The following F2R variants were observed in gnomAD, a reference collection of about 807,000 sequenced individuals.
The protein encoded by F2R is proteinase-activated receptor 1.
A neutral mutation model predicts 18.3 loss-of-function variants in F2R; 12 were observed. That is an observed-to-expected ratio of 0.66 (90% CI 0.42 to 1.06). The LOEUF (loss-of-function observed/expected upper bound fraction) is 1.06. Among genes scored for constraint, F2R ranks in the 50% least tolerant of loss-of-function variants. The probability of loss-of-function intolerance (pLI) is 0.00; values close to 1 mark genes in which losing one functional copy is unlikely to be tolerated. For missense variants in F2R, 438 were observed against 530.8 expected, an observed-to-expected ratio of 0.83 and a Z score of 1.72; for synonymous variants, 210 against 219.9, an observed-to-expected ratio of 0.95 and a Z score of 0.40.
At chr5:76,729,466 C>A (rs1748630325) in intron 1 of F2R, among the ~76,000 whole-genome samples, 1 of 152,162 alleles carries the variant, frequency 6.6e-6, no homozygotes, top group Non-Finnish European at 1.5e-5. Context: ...TTTCTCTTCA[C>A]TGTTGATTGT....
intron 1 of F2R, among the ~76,000 whole-genome samples, chr5:76,729,649 A>G (rs1229053951): frequency 3.9e-5 from 6 of 152,160 alleles, no homozygotes; most frequent in East Asian, 3.9e-4. Flanking sequence ...TTATGTGTAA[A>G]CCATTAATCC....
At chr5:76,716,724 CA>C in intron 1 of F2R, 1 of 682,496 alleles carries the variant, frequency 1.5e-6, no homozygotes, top group Non-Finnish European at 2.6e-6. Flanking sequence ...CTCCCAGGAC[CA>C]CCCCCAAAAA....
chr5:76,731,145 C>T (rs1748660559), intron 1 of F2R, among the ~76,000 whole-genome samples: 1 of 152,288 alleles, frequency 6.6e-6, no homozygotes, highest in African/African-American at 2.4e-5. Flanking sequence ...TACCTTGTGA[C>T]TATGTTAGGA....
intron 1 of F2R, among the ~76,000 whole-genome samples, chr5:76,720,516 G>A (rs1372937422): frequency 6.6e-6 from 1 of 151,740 alleles, no homozygotes; most frequent in East Asian, 1.9e-4. Context: ...AATTGAGGTA[G>A]AATTCACATA....
At chr5:76,719,313 G>A (rs566596475) in intron 1 of F2R, among the ~76,000 whole-genome samples, 2 of 152,372 alleles carry the variant, frequency 1.3e-5, no homozygotes, top group Admixed American at 6.5e-5. Flanking sequence ...ATTGGGACTG[G>A]GTGCGGTGGC....
chr5:76,718,813 T>TA (rs1276944487), intron 1 of F2R, among the ~76,000 whole-genome samples: 1 of 152,240 alleles, frequency 6.6e-6, no homozygotes, highest in Non-Finnish European at 1.5e-5. Flanking sequence ...TATGGGGCTC[T>TA]AGAGGGTTAA....
At chr5:76,725,464 C>A (rs1380665915) in intron 1 of F2R, among the ~76,000 whole-genome samples, 1 of 151,724 alleles carries the variant, frequency 6.6e-6, no homozygotes, top group Non-Finnish European at 1.5e-5. Context: ...GATTTGGGCA[C>A]CTTCACAAGC....
At position 76,732,478 on chromosome 5, in the gene F2R, C is replaced by G. The variant is rs773814208; in HGVS notation, c.253C>G (p.Pro85Ala). The G allele has an allele frequency of 5.0e-6, 8 of 1,614,154 alleles. No homozygotes were observed. Among genetic ancestry groups the G allele is most frequent in the Non-Finnish European group, 5.1e-6 (6 of 1,180,024 alleles). The change falls in exon 2 of 2, where the codon CCT becomes GCT. Residue 85 changes from proline (P) to alanine (A), a missense_variant. Coordinates refer to ENST00000319211, the MANE Select transcript of F2R (RefSeq NM_001992.5). ...AAGCAGTCCTCTTCAAAAACAACTT[C>G]CTGCATTCATCTCAGAAGATGCCTC... is the stretch of plus-strand genomic sequence containing the variant. ...NKSSPLQKQL[P>A]AFISEDASGY...
chr5:76,733,503 G>A lies in F2R; in HGVS notation c.1278G>A (p.Ter426=). 1 of 1,602,224 alleles carries A rather than the reference G, an allele frequency of 6.2e-7. No homozygotes were observed. The highest frequency in any genetic ancestry group is 8.5e-7 in the Non-Finnish European group (1 of 1,174,804). The change falls in exon 2 of 2, where the codon TAG becomes TAA. Residue 426 remains the stop codon, a stop_retained_variant. Coordinates refer to ENST00000319211, the MANE Select transcript of F2R (RefSeq NM_001992.5). ...NNSIYKKLLT[*] ...GCATATACAAAAAGCTGTTAACTTA[G>A]GAAAAGGGACTGCTGGGAGGTTAAA...
chr5:76,721,363 A>AT (rs1209470383), intron 1 of F2R, among the ~76,000 whole-genome samples: 1 of 151,974 alleles, frequency 6.6e-6, no homozygotes, highest in African/African-American at 2.4e-5. Flanking sequence ...TATACTGAGA[A>AT]TTTTTTTCTG....
At chr5:76,728,413 T>G (rs1174693918) in intron 1 of F2R, among the ~76,000 whole-genome samples, 1 of 152,194 alleles carries the variant, frequency 6.6e-6, no homozygotes, top group Non-Finnish European at 1.5e-5. Flanking sequence ...GTTCAACTGT[T>G]TTCGATTCCA....
At chr5:76,716,807 T>C (rs1748355189) in intron 1 of F2R, 1 of 514,210 alleles carries the variant, frequency 1.9e-6, no homozygotes. Flanking sequence ...CCGCTGCCGC[T>C]GAAGTTTTGC....
In F2R at chr5:76,734,355, C is replaced by T. The variant is rs535299274; in HGVS notation, c.*852C>T. On this transcript the variant is annotated 3_prime_UTR_variant, in exon 2 of 2. Coordinates refer to ENST00000319211, the MANE Select transcript of F2R (RefSeq NM_001992.5). ...ATGTCAGACACAGATTGGCCAGAAA[C>T]CTTCCTGCTGAGCCTCACAGCAGTG... 2 of 152,340 alleles carry T rather than the reference C, an allele frequency of 1.3e-5. No individual in the cohort carries two copies. Among genetic ancestry groups the T allele is most frequent in the African/African-American group, 4.8e-5 (2 of 41,422 alleles). The allele number at this position is 152,340 out of a possible 1,614,324, so 9.4% of individuals were successfully genotyped here.
At chr5:76,727,328 T>A (rs1037432400) in intron 1 of F2R, among the ~76,000 whole-genome samples, 1 of 152,228 alleles carries the variant, frequency 6.6e-6, no homozygotes, top group African/African-American at 2.4e-5. Flanking sequence ...CTGAGCTTAA[T>A]TCAGAGAAGT....
At chr5:76,716,521 C>T (rs1748345613) in intron 1 of F2R, 126 bp downstream of exon 1, 2 of 874,502 alleles carry the variant, frequency 2.3e-6, no homozygotes, top group Non-Finnish European at 3.3e-6. Context: ...GGCATTTGGG[C>T]TGAGATCTGG....
chr5:76,716,303 G>T lies in F2R; in HGVS notation c.-5G>T. 1 of 1,398,966 alleles carries T rather than the reference G, an allele frequency of 7.1e-7. No homozygotes were observed. Among genetic ancestry groups the T allele is most frequent in the Non-Finnish European group, 9.3e-7 (1 of 1,080,076 alleles). 86.7% of individuals were successfully genotyped at this position (1,398,966 alleles called of 1,614,324 possible). On this transcript the variant is annotated 5_prime_UTR_variant, in exon 1 of 2. Transcript: ENST00000319211. ...CCGGAGCAGCGCCGCGCAGAGCCCGGGACAATGGGGCCGCGGCGGCTGCTG... is the reference window on the plus strand; with the variant it reads ...CCGGAGCAGCGCCGCGCAGAGCCCGTGACAATGGGGCCGCGGCGGCTGCTG...
At chr5:76,727,571 A>G (rs1466275892) in intron 1 of F2R, among the ~76,000 whole-genome samples, 1 of 152,158 alleles carries the variant, frequency 6.6e-6, no homozygotes, top group Non-Finnish European at 1.5e-5. Context: ...AACTTTGCTT[A>G]GGTAGCTTGA....
chr5:76,731,062 T>C (rs1204001922), intron 1 of F2R, among the ~76,000 whole-genome samples: 3 of 152,200 alleles, frequency 2.0e-5, no homozygotes, highest in Non-Finnish European at 4.4e-5. Context: ...TGGTCTGGCA[T>C]GAGTGGCCAA....
chr5:76,717,495 G>C (rs974211183), intron 1 of F2R, among the ~76,000 whole-genome samples: 1 of 152,094 alleles, frequency 6.6e-6, no homozygotes, highest in Non-Finnish European at 1.5e-5. Context: ...AGATTAAGAG[G>C]TGACAAAGAC....
Sources: allele counts gnomAD v4.1 joint callset (sites outside exome capture counted in the v4.1 genomes callset), GRCh38; gene constraint gnomAD v4.1.1; transcripts MANE v1.5; gene names NCBI Gene and HGNC (gene_info 2026-07-23, HGNC 2026-07-21).